The following ADCY1 variants were observed in gnomAD, a reference collection of about 807,000 sequenced individuals.
ADCY1 encodes adenylate cyclase 1, also known as adenylate cyclase type 1.
A neutral mutation model predicts 105.4 loss-of-function variants in ADCY1; 28 were observed. The ratio of observed to expected loss-of-function variants is 0.27; its 90% CI spans 0.20 to 0.36. The LOEUF (loss-of-function observed/expected upper bound fraction) is 0.36, where lower values mean the gene tolerates loss of function less well. Among genes scored for constraint, ADCY1 ranks in the 10% least tolerant of loss-of-function variants. The probability of loss-of-function intolerance (pLI) is 1.00; values close to 1 mark genes in which losing one functional copy is unlikely to be tolerated. For synonymous variants in ADCY1, 655 were observed against 623.8 expected (o/e 1.05, Z -0.75); for missense variants, 977 against 1,434.2 (o/e 0.68, Z 5.15).
At position 45,720,894 on chromosome 7, in the gene ADCY1, T is replaced by C. The variant is rs1226951951; in HGVS notation, c.*6899T>C. On this transcript the variant is annotated 3_prime_UTR_variant, in exon 20 of 20. Coordinates refer to ENST00000297323, the MANE Select transcript of ADCY1 (RefSeq NM_021116.4). ...CCCATGGAGGGAGGTATTATTATACTCCTTATGTTGACAGTGAAGAATCTG... is the reference window on the plus strand; with the variant it reads ...CCCATGGAGGGAGGTATTATTATACCCCTTATGTTGACAGTGAAGAATCTG... 6 of 151,880 alleles carry C rather than the reference T, an allele frequency of 4.0e-5. No individual in the cohort carries two copies. 9.4% of individuals were successfully genotyped at this position (151,880 alleles called of 1,614,324 possible).
intron 4 of ADCY1, among the ~76,000 whole-genome samples, chr7:45,641,932 CA>C (rs56808890): frequency 2.7e-5 from 1 of 36,404 alleles, no homozygotes; most frequent in Non-Finnish European, 5.1e-5. Context: ...GACTCCGTCT[CA>C]AAAAAAAAAA....
At chr7:45,666,117 A>G (rs1285886770) in intron 8 of ADCY1, among the ~76,000 whole-genome samples, 1 of 152,068 alleles carries the variant, frequency 6.6e-6, no homozygotes, top group Non-Finnish European at 1.5e-5. Flanking sequence ...TGCTCAATGC[A>G]GTGTCTTTTC....
intron 11 of ADCY1, among the ~76,000 whole-genome samples, chr7:45,681,986 C>A (rs142959127): frequency 4.7e-4 from 71 of 152,286 alleles, no homozygotes; most frequent in African/African-American, 1.7e-3. Flanking sequence ...TATCTGGTTT[C>A]CCCATCCCCA....
chr7:45,685,268 C>A (rs1784643692), intron 12 of ADCY1, among the ~76,000 whole-genome samples, 200 bp downstream of exon 12: 2 of 152,176 alleles, frequency 1.3e-5, no homozygotes, highest in African/African-American at 2.4e-5. Flanking sequence ...GTGAAAGGAG[C>A]CTGGCTTCTT....
intron 8 of ADCY1, among the ~76,000 whole-genome samples, chr7:45,674,813 AT>A (rs200874734): frequency 1.3e-5 from 2 of 151,902 alleles, no homozygotes; most frequent in African/African-American, 2.4e-5. Context: ...TCCCTGGTAA[AT>A]TTTTTTGCTC....
chr7:45,658,626 C>G (rs553414853), intron 6 of ADCY1, among the ~76,000 whole-genome samples: 1 of 152,372 alleles, frequency 6.6e-6, no homozygotes, highest in Non-Finnish European at 1.5e-5. Context: ...TGGTGTTTTC[C>G]TCTCCCCGTT....
intron 1 of ADCY1, among the ~76,000 whole-genome samples, chr7:45,581,642 C>T (rs1792546893): frequency 1.3e-5 from 2 of 152,150 alleles, no homozygotes. Context: ...GCCTGACCAC[C>T]TATCCATGTC....
In ADCY1 at chr7:45,648,806, C is replaced by G. The variant is rs374138021; in HGVS notation, c.1148+9C>G. The G allele has an allele frequency of 5.6e-6, 9 of 1,613,210 alleles. No individual in the cohort carries two copies. Among genetic ancestry groups the G allele is most frequent in the Non-Finnish European group, 7.6e-6 (9 of 1,179,414 alleles). On this transcript the variant is annotated intron_variant, in intron 5 of 19. Coordinates refer to ENST00000297323, the MANE Select transcript of ADCY1 (RefSeq NM_021116.4). ...ATGATTGATACCATCACGTAAGTAC[C>G]CCGTGGGGCTGAGAGGAGTGGCCTG... is the stretch of plus-strand genomic sequence containing the variant.
In ADCY1 at chr7:45,574,489, C is replaced by A. The variant is rs907540657; in HGVS notation, c.-55C>A. ...CCCGGCGCCGCCGCCCGCGCCCCGG[C>A]GCCCCGGGCCGGCGAGGGGCGCGCC... On this transcript the variant is annotated 5_prime_UTR_variant, in exon 1 of 20. Transcript: ENST00000297323. The surrounding 1 kb of genome is among the most constrained non-coding windows in gnomAD (Gnocchi z 7.0). 1.9e-4 allele frequency: 154 copies of A among 793,836 alleles called. No individual in the cohort carries two copies. The highest frequency in any genetic ancestry group is 2.2e-4 in the Non-Finnish European group (148 of 659,492). The allele number at this position is 793,836 out of a possible 1,614,324, so 49.2% of individuals were successfully genotyped here. A position where few individuals can be genotyped will look rare whatever the true frequency, so the allele number is the denominator to read the frequency against.
intron 8 of ADCY1, among the ~76,000 whole-genome samples, chr7:45,662,602 C>T (rs1436018376): frequency 6.6e-6 from 1 of 152,126 alleles, no homozygotes; most frequent in Non-Finnish European, 1.5e-5. Flanking sequence ...TTGCCCCCAG[C>T]GTCCAAGCCT....
intron 2 of ADCY1, among the ~76,000 whole-genome samples, chr7:45,602,852 T>C (rs1002269539): frequency 1.3e-5 from 2 of 152,254 alleles, no homozygotes; most frequent in African/African-American, 4.8e-5. Flanking sequence ...AATACATATG[T>C]CAAATGATCT....
At chr7:45,645,639 G>A (rs1031145982) in intron 4 of ADCY1, among the ~76,000 whole-genome samples, 3 of 152,140 alleles carry the variant, frequency 2.0e-5, no homozygotes, top group Admixed American at 6.5e-5. Flanking sequence ...TGGTAACCAC[G>A]GGACCCTGGA....
At chr7:45,578,779 C>A (rs751334807) in intron 1 of ADCY1, among the ~76,000 whole-genome samples, 39 of 152,230 alleles carry the variant, frequency 2.6e-4, no homozygotes, top group Non-Finnish European at 5.3e-4. Flanking sequence ...AAGACCTGGT[C>A]TCTGCCAGCT....
chr7:45,690,160 G>A lies in ADCY1; in HGVS notation c.2454+3487G>A, dbSNP rs1310187112. Among the ~76,000 whole-genome samples the A allele has an allele frequency of 3.3e-5, 5 of 152,210 alleles. No homozygotes were observed. In the East Asian group the frequency reaches 9.7e-4, roughly 29 times the overall value. On this transcript the variant is annotated intron_variant, in intron 14 of 19. Coordinates refer to ENST00000297323, the MANE Select transcript of ADCY1 (RefSeq NM_021116.4). ...AGGAGGGCACCTCGGAAGTGGTCGTGTGGAGTCTGGCCACTGTTGGCCATC... is the reference window on the plus strand; with the variant it reads ...AGGAGGGCACCTCGGAAGTGGTCGTATGGAGTCTGGCCACTGTTGGCCATC...
At chr7:45,633,800 C>CAA (rs754127020) in intron 4 of ADCY1, among the ~76,000 whole-genome samples, 16 of 49,288 alleles carry the variant, frequency 3.2e-4, no homozygotes, top group South Asian at 1.1e-3. Context: ...GACATCATCG[C>CAA]AAAAAAAAAA....
chr7:45,586,690 C>T (rs1792735039), intron 1 of ADCY1, among the ~76,000 whole-genome samples: 1 of 152,238 alleles, frequency 6.6e-6, no homozygotes, highest in Admixed American at 6.5e-5. Context: ...CGCTGGTGAG[C>T]ACCATGGAGG....
At chr7:45,590,020 G>A (rs1362438651) in intron 1 of ADCY1, among the ~76,000 whole-genome samples, 2 of 152,166 alleles carry the variant, frequency 1.3e-5, no homozygotes, top group African/African-American at 4.8e-5. Flanking sequence ...AGAGAGGAGT[G>A]GCTGGTTCCC....
chr7:45,656,627 G>C (rs1016717380), intron 5 of ADCY1, among the ~76,000 whole-genome samples: 1 of 152,200 alleles, frequency 6.6e-6, no homozygotes, highest in Admixed American at 6.5e-5. Context: ...CCTGAGCCTT[G>C]GCTGGGGCTC....
intron 4 of ADCY1, among the ~76,000 whole-genome samples, chr7:45,639,549 T>A (rs1403141611): frequency 2.0e-5 from 3 of 152,248 alleles, no homozygotes; most frequent in Non-Finnish European, 4.4e-5. Flanking sequence ...GGTTATCAGC[T>A]GGGCTGCCTG....
Sources: allele counts gnomAD v4.1 joint callset (sites outside exome capture counted in the v4.1 genomes callset), GRCh38; gene constraint gnomAD v4.1.1; non-coding constraint Gnocchi (gnomAD v3.1); transcripts MANE v1.5; gene names NCBI Gene and HGNC (gene_info 2026-07-23, HGNC 2026-07-21).